The following MADD variants were observed in gnomAD, a reference collection of about 807,000 sequenced individuals.
MADD encodes MAP kinase activating death domain.
In MADD, 109 loss-of-function variants were observed where a neutral mutation model predicts 176.7. That is an observed-to-expected ratio of 0.62 (90% CI 0.53 to 0.72). The LOEUF (loss-of-function observed/expected upper bound fraction) is 0.72. MADD is among the 30% of genes least tolerant of loss of function. MADD has a pLI of 0.00. For synonymous variants in MADD, 771 were observed against 771.3 expected (o/e 1.00, Z 0.01); for missense variants, 1,914 against 2,045.5 (o/e 0.94, Z 1.24).
chr11:47,282,545 C>G, exon 9 of MADD: 2 of 1,614,222 alleles, frequency 1.2e-6, no homozygotes, highest in Non-Finnish European at 1.7e-6. Flanking sequence ...TTGGCCAGGA[C>G]TCAGGCTGTG....
At chr11:47,289,776 C>T (rs1406052198) in intron 16 of MADD, 91 bp from the exon 18 acceptor site, 3 of 1,415,856 alleles carry the variant, frequency 2.1e-6, no homozygotes, top group South Asian at 2.5e-5. Context: ...TTGTGTTTTA[C>T]CCCTGGAGGC....
intron 23 of MADD, 57 bp from the exon 27 acceptor site, chr11:47,309,224 G>C (rs1411180436): frequency 1.3e-6 from 2 of 1,580,896 alleles, no homozygotes; most frequent in Non-Finnish European, 1.7e-6. Context: ...ATTTTTGTTT[G>C]GCAGCTATAT....
chr11:47,297,670 TCTC>T (rs1394924519), intron 22 of MADD, among the ~76,000 whole-genome samples: 1 of 151,684 alleles, frequency 6.6e-6, no homozygotes, highest in Non-Finnish European at 1.5e-5. Flanking sequence ...ACGGTCTTGA[TCTC>T]CTGACTTCGT....
intron 7 of MADD, among the ~76,000 whole-genome samples, chr11:47,279,638 C>T (rs948961571): frequency 2.0e-5 from 3 of 151,874 alleles, no homozygotes; most frequent in African/African-American, 4.8e-5. Context: ...CTCAGCCTCC[C>T]GAAGTGCTGG....
chr11:47,289,753 C>CA (rs2063646458), intron 16 of MADD, 114 bp from the exon 18 acceptor site: 2 of 1,235,096 alleles, frequency 1.6e-6, no homozygotes, highest in Non-Finnish European at 2.3e-6. Flanking sequence ...CTTGGACATT[C>CA]AGAGACATGG....
At chr11:47,276,034 G>T (rs759999828) in exon 4 of MADD, 32 of 1,614,078 alleles carry the variant, frequency 2.0e-5, no homozygotes, top group Non-Finnish European at 2.6e-5. Context: ...CTGGGCAGAA[G>T]CGAGTAGACA....
In MADD at chr11:47,276,883, C is replaced by G; in HGVS notation, c.1095+20C>G. The G allele has an allele frequency of 1.9e-6, 3 of 1,599,102 alleles. No individual in the cohort carries two copies. The highest frequency in any genetic ancestry group is 2.2e-5 in the South Asian group (2 of 90,648). On this transcript the variant is annotated intron_variant, in intron 5 of 32. Transcript: ENST00000402192. ...GAGCAGGTGAGTCTCAAGGCGACTT[C>G]CGGCTTTCTCACCTCTGTCTTCCTG...
At chr11:47,292,705 G>C in intron 19 of MADD, 109 bp downstream of exon 21, 1 of 1,052,118 alleles carries the variant, frequency 9.5e-7, no homozygotes, top group Non-Finnish European at 1.5e-6. Context: ...TTTGCTCTTA[G>C]AGCGTGTTTG....
chr11:47,308,216 T>C (rs1050276249), intron 22 of MADD, among the ~76,000 whole-genome samples: 1 of 152,244 alleles, frequency 6.6e-6, no homozygotes. Context: ...AGCTGATTTC[T>C]GTACCTAAGG....
chr11:47,287,740 C>T (rs1195524081), intron 15 of MADD, among the ~76,000 whole-genome samples: 5 of 145,816 alleles, frequency 3.4e-5, no homozygotes, highest in African/African-American at 1.0e-4. Context: ...GATGGTATGA[C>T]GAAATATTTA....
intron 7 of MADD, among the ~76,000 whole-genome samples, chr11:47,280,550 T>C (rs536096264): frequency 6.6e-6 from 1 of 152,022 alleles, no homozygotes; most frequent in Non-Finnish European, 1.5e-5. Context: ...TTATATTTAA[T>C]TAAATTAATT....
chr11:47,279,800 C>T (rs1334672075), intron 7 of MADD, among the ~76,000 whole-genome samples: 1 of 151,820 alleles, frequency 6.6e-6, no homozygotes, highest in Admixed American at 6.6e-5. Flanking sequence ...TGGCTGGGCA[C>T]GGTGCCTCAT....
intron 22 of MADD, among the ~76,000 whole-genome samples, chr11:47,307,079 C>CTT (rs3070459): frequency 0.26 from 37,930 of 143,814 alleles, 6,209 homozygotes; most frequent in East Asian, 0.58. Flanking sequence ...GATTTTTATA[C>CTT]TTTTTTTTTT....
chr11:47,288,964 C>A lies in MADD; in HGVS notation c.2654-427C>A. On this transcript the variant is annotated intron_variant, in intron 15 of 32. Transcript: ENST00000402192. ...ACCTACTAATTGTGTATTTTGTGTC[C>A]CAGTATTTGGGCTAAATACTCTAAT... The A allele has an allele frequency of 6.3e-7, 1 of 1,594,888 alleles. No individual in the cohort carries two copies. The highest frequency in any genetic ancestry group is 8.5e-7 in the Non-Finnish European group (1 of 1,174,126).
intron 30 of MADD, 64 bp downstream of exon 33, chr11:47,324,641 GC>G: frequency 1.8e-6 from 2 of 1,106,180 alleles, no homozygotes; most frequent in Non-Finnish European, 2.7e-6. Flanking sequence ...CAATGTCCAA[GC>G]CCCCAGTACT....
chr11:47,276,092 C>T (rs866945080), exon 4 of MADD: 1 of 1,614,224 alleles, frequency 6.2e-7, no homozygotes, highest in African/African-American at 1.3e-5. Context: ...CTTTGCTCTT[C>T]CAGACCCATC....
rs774487250 is a variant in MADD at position 47,275,879 on chromosome 11, T to A, written c.660-20T>A. 1 of 1,591,334 alleles carries A rather than the reference T, an allele frequency of 6.3e-7. No individual in the cohort carries two copies. On this transcript the variant is annotated intron_variant, in intron 3 of 32. Transcript: ENST00000402192. ...AGCTTCTGATGCTAATGTGTCTGAT[T>A]CCTGCTGTCTGCTTCTCAGGGACAC... is the stretch of plus-strand genomic sequence containing the variant.
exon 33 of MADD, chr11:47,329,485 T>C: frequency 3.7e-6 from 1 of 267,848 alleles, no homozygotes; most frequent in Non-Finnish European, 7.4e-6. Flanking sequence ...GTTATAACTG[T>C]CCACTGCAAG....
At chr11:47,276,287 G>A (rs2049771926) in intron 4 of MADD, 85 bp downstream of exon 4, 1 of 1,349,510 alleles carries the variant, frequency 7.4e-7, no homozygotes, top group Non-Finnish European at 1.0e-6. Context: ...AGAGGACAGG[G>A]ACTACATATT....
Sources: gnomAD v4.1 joint callset for allele counts (sites outside exome capture counted in the v4.1 genomes callset) on GRCh38, gnomAD v4.1.1 for gene constraint, MANE v1.5 for transcripts, NCBI Gene and HGNC (gene_info 2026-07-23, HGNC 2026-07-21) for gene names.